Variants in AGO1 observed in about 807,000 individuals in gnomAD.
The protein encoded by AGO1 is protein argonaute-1.
AGO1 carries 11 observed loss-of-function variants against 109.2 expected under a neutral mutation model. The ratio of observed to expected loss-of-function variants is 0.10; its 90% CI spans 0.06 to 0.17. AGO1 has a LOEUF of 0.17. Among genes scored for constraint, AGO1 ranks in the 10% least tolerant of loss-of-function variants. The probability of loss-of-function intolerance (pLI) is 1.00; values close to 1 mark genes in which losing one functional copy is unlikely to be tolerated. For missense variants in AGO1, 574 were observed against 1,140.3 expected (o/e 0.50, Z 7.15); for synonymous variants, 422 against 418.6 (o/e 1.01, Z -0.10).
At chr1:35,917,800 A>G (rs1645761673) in intron 16 of AGO1, 73 bp downstream of exon 16, 4 of 1,554,738 alleles carry the variant, frequency 2.6e-6, no homozygotes, top group Non-Finnish European at 3.5e-6. Context: ...AGCCCTTGAG[A>G]TAAAGGCTGG....
At chr1:35,872,199 T>C (rs1340533554) in intron 1 of AGO1, among the ~76,000 whole-genome samples, 1 of 150,654 alleles carries the variant, frequency 6.6e-6, no homozygotes, top group African/African-American at 2.4e-5. Context: ...TTTTTTTTTT[T>C]TTTTGAGACG....
intron 12 of AGO1, among the ~76,000 whole-genome samples, chr1:35,908,347 G>A (rs750951218): frequency 1.3e-5 from 2 of 152,046 alleles, no homozygotes; most frequent in Non-Finnish European, 1.5e-5. Context: ...GGTTCCTATT[G>A]TCTGCCTTCT....
At position 35,918,157 on chromosome 1, in the gene AGO1, T is replaced by A. The variant is rs201467066; in HGVS notation, c.2164-165T>A. Among the ~76,000 whole-genome samples, 16 of 152,304 alleles carry A rather than the reference T, an allele frequency of 1.1e-4. No individual in the cohort carries two copies. The East Asian group carries it at 3.1e-3, about 29-fold the overall frequency. Reference sequence around the variant, plus strand: ...ACAGCTAATAGGACTTGAACACAGGTCTGTGTGACTTTAGAAGCATATTAT... The same window carrying A: ...ACAGCTAATAGGACTTGAACACAGGACTGTGTGACTTTAGAAGCATATTAT... On this transcript the variant is annotated intron_variant, in intron 16 of 18. Coordinates refer to ENST00000373204, the MANE Select transcript of AGO1 (RefSeq NM_012199.5).
At chr1:35,877,868 T>G (rs1216018531) in intron 1 of AGO1, among the ~76,000 whole-genome samples, 1 of 151,784 alleles carries the variant, frequency 6.6e-6, no homozygotes, top group Non-Finnish European at 1.5e-5. Flanking sequence ...AATTTTTGTA[T>G]TTTTAGTAGA....
chr1:35,904,969 G>A (rs189868845), intron 11 of AGO1, among the ~76,000 whole-genome samples: 1 of 152,258 alleles, frequency 6.6e-6, no homozygotes, highest in African/African-American at 2.4e-5. Context: ...GATGATGGAT[G>A]AGAGAGTTCT....
At chr1:35,900,947 C>A (rs149057594) in intron 8 of AGO1, among the ~76,000 whole-genome samples, 147 of 151,140 alleles carry the variant, frequency 9.7e-4, no homozygotes, top group African/African-American at 3.4e-3. Context: ...GACCTGAGCC[C>A]AGATCTGGCT....
At chr1:35,916,749 C>A (rs531411158) in intron 15 of AGO1, among the ~76,000 whole-genome samples, 84 of 152,354 alleles carry the variant, frequency 5.5e-4, no homozygotes, top group African/African-American at 1.9e-3. Flanking sequence ...TCAGAAATGT[C>A]TAGTGGCTTC....
intron 8 of AGO1, among the ~76,000 whole-genome samples, chr1:35,896,147 G>T (rs908399993): frequency 6.6e-6 from 1 of 152,096 alleles, no homozygotes; most frequent in African/African-American, 2.4e-5. Context: ...TTACAGGCAT[G>T]CGCCACCACA....
chr1:35,876,392 G>A (rs921572525), intron 1 of AGO1, among the ~76,000 whole-genome samples: 1 of 151,522 alleles, frequency 6.6e-6, no homozygotes, highest in African/African-American at 2.4e-5. Context: ...TCAGCTTCCC[G>A]AGTAGCTGGG....
chr1:35,906,038 CAAATT>C (rs1305851060), intron 11 of AGO1, among the ~76,000 whole-genome samples: 1 of 152,178 alleles, frequency 6.6e-6, no homozygotes, highest in African/African-American at 2.4e-5. Flanking sequence ...AAGATTATCA[CAAATT>C]AAATTTCCTG....
At chr1:35,896,310 T>C (rs1292759264) in intron 8 of AGO1, among the ~76,000 whole-genome samples, 2 of 151,232 alleles carry the variant, frequency 1.3e-5, no homozygotes, top group East Asian at 3.9e-4. Context: ...GAATCTGTCC[T>C]TTAACAAGAT....
At chr1:35,890,906 A>G (rs1645205804) in intron 2 of AGO1, among the ~76,000 whole-genome samples, 1 of 152,190 alleles carries the variant, frequency 6.6e-6, no homozygotes. Flanking sequence ...TTTAAAAATA[A>G]TGTATGGAAG....
chr1:35,897,465 T>C (rs1388339488), intron 8 of AGO1, among the ~76,000 whole-genome samples: 2 of 152,194 alleles, frequency 1.3e-5, no homozygotes, highest in African/African-American at 4.8e-5. Context: ...AGGATATGAT[T>C]CTGCAGAGGG....
At chr1:35,890,356 C>G (rs747055247) in intron 2 of AGO1, among the ~76,000 whole-genome samples, 2 of 152,172 alleles carry the variant, frequency 1.3e-5, no homozygotes, top group Non-Finnish European at 2.9e-5. Context: ...CTTCCAGATA[C>G]TTTTCTACAT....
chr1:35,895,663 G>A (rs780377671), intron 8 of AGO1, among the ~76,000 whole-genome samples: 2 of 152,218 alleles, frequency 1.3e-5, no homozygotes, highest in South Asian at 4.1e-4. Context: ...TACCTATAAT[G>A]TAAATCATGT....
chr1:35,872,436 T>A (rs1644959249), intron 1 of AGO1, among the ~76,000 whole-genome samples: 1 of 152,196 alleles, frequency 6.6e-6, no homozygotes, highest in Non-Finnish European at 1.5e-5. Context: ...TCTGCCCATC[T>A]TGGCCTCCCA....
chr1:35,895,477 A>G (rs1467294034), intron 8 of AGO1, among the ~76,000 whole-genome samples: 2 of 152,174 alleles, frequency 1.3e-5, no homozygotes, highest in Non-Finnish European at 2.9e-5. Flanking sequence ...CAGGGCTGCC[A>G]GGCAGAGACA....
At position 35,907,060 on chromosome 1, in the gene AGO1, A is replaced by G; in HGVS notation, c.1523A>G (p.Asn508Ser). Residue 508 changes from asparagine (N) to serine (S), a missense_variant, in exon 12 of 19, where the codon AAC becomes AGC. By Grantham distance (46) the Asn-to-Ser change is conservative (BLOSUM62 1). Around this residue, in one of 8 missense-constraint regions of AGO1, gnomAD observed 68 missense variants for 200.2 expected, o/e 0.34. Coordinates refer to ENST00000373204, the MANE Select transcript of AGO1 (RefSeq NM_012199.5). Reference protein sequence around the residue: ...SVEPMFRHLKNTYSGLQLIIV... With the variant: ...SVEPMFRHLKSTYSGLQLIIV... ...GAGCCTATGTTCCGGCATCTCAAGA[A>G]CACCTACTCAGGGCTGCAGCTCATT... The G allele has an allele frequency of 6.2e-7, 1 of 1,614,030 alleles. No homozygotes were observed. Among genetic ancestry groups the G allele is most frequent in the Non-Finnish European group, 8.5e-7 (1 of 1,179,988 alleles).
Position 35,888,584 on chromosome 1 carries a change from G to T in AGO1, c.183G>T (p.Pro61=). The change falls in exon 2 of 19, where the codon CCG becomes CCT. Residue 61 remains proline (P), a synonymous_variant. Coordinates refer to ENST00000373204, the MANE Select transcript of AGO1 (RefSeq NM_012199.5). This position sits in a 1 kb window ranked among gnomAD's most constrained non-coding sequence, Gnocchi z 4.1. ...ACCACTACGAGGTGGACATCAAGCC[G>T]GATAAGTGTCCCCGTAGAGTCAACC... The part of the protein sequence containing the change: ...DVYHYEVDIK[P]DKCPRRVNRE... The T allele has an allele frequency of 3.7e-6, 6 of 1,614,126 alleles. No homozygotes were observed. The highest frequency in any genetic ancestry group is 5.1e-6 in the Non-Finnish European group (6 of 1,180,014).
Sources: allele counts gnomAD v4.1 joint callset (sites outside exome capture counted in the v4.1 genomes callset), GRCh38; gene constraint gnomAD v4.1.1; regional missense constraint gnomAD v4.1.1; non-coding constraint Gnocchi (gnomAD v3.1); transcripts MANE v1.5; gene names NCBI Gene and HGNC (gene_info 2026-07-23, HGNC 2026-07-21).